Variants in ANGPT1 observed in about 807,000 individuals in gnomAD.
ANGPT1 encodes angiopoietin-1.
In ANGPT1, 17 loss-of-function variants were observed where a neutral mutation model predicts 62.2. That is an observed-to-expected ratio of 0.27 (90% CI 0.19 to 0.41). The LOEUF (loss-of-function observed/expected upper bound fraction) is 0.41. Ranked by LOEUF, ANGPT1 falls within the 10% of genes least tolerant of loss-of-function variation. ANGPT1 has a pLI of 1.00. For missense variants in ANGPT1, 478 were observed against 594.9 expected (o/e 0.80, Z 2.04); for synonymous variants, 199 against 198.9 (o/e 1.00, Z 0.00).
In ANGPT1 at chr8:107,322,125, T is replaced by TAAA; in HGVS notation, c.576_578dup (p.Ser192_Leu193insPhe). 1 of 1,606,682 alleles carries TAAA rather than the reference T, an allele frequency of 6.2e-7. No individual in the cohort carries two copies. The highest frequency in any genetic ancestry group is 1.3e-5 in the African/African-American group (1 of 74,772). On this transcript the variant is annotated inframe_insertion, in exon 4 of 9. Coordinates refer to ENST00000517746, the MANE Select transcript of ANGPT1 (RefSeq NM_001146.5). ...CCATTTCTAAGATTTTATGTTCTAA[T>TAAA]AAACTACAAGGAAGTGAAAATAAAA...
intron 1 of ANGPT1, among the ~76,000 whole-genome samples, chr8:107,392,046 T>C (rs1816846493): frequency 1.3e-5 from 2 of 152,186 alleles, no homozygotes; most frequent in Non-Finnish European, 2.9e-5. Context: ...GTTGTATTTT[T>C]AAAAATAATA....
chr8:107,473,578 A>G (rs945113191), intron 1 of ANGPT1, among the ~76,000 whole-genome samples: 5 of 152,090 alleles, frequency 3.3e-5, no homozygotes, highest in African/African-American at 1.2e-4. Context: ...TAATAATTTT[A>G]TTTTCAAAAT....
intron 1 of ANGPT1, among the ~76,000 whole-genome samples, chr8:107,472,308 C>CA (rs1480512635): frequency 6.6e-6 from 1 of 151,976 alleles, no homozygotes; most frequent in East Asian, 1.9e-4. Flanking sequence ...TTCTGTCTTC[C>CA]ATTACAGTGC....
intron 2 of ANGPT1, among the ~76,000 whole-genome samples, chr8:107,336,688 A>G (rs1379940190): frequency 5.3e-5 from 7 of 132,546 alleles, no homozygotes; most frequent in Non-Finnish European, 1.1e-4. Context: ...AAAAAAAAAA[A>G]GGTTTACATT....
intron 8 of ANGPT1, among the ~76,000 whole-genome samples, chr8:107,253,178 T>C (rs888954587): frequency 5.3e-5 from 8 of 152,198 alleles, no homozygotes; most frequent in African/African-American, 1.9e-4. Context: ...AGGTATGTCT[T>C]GATGAATTTG....
chr8:107,397,782 T>C lies in ANGPT1; in HGVS notation c.298-50685A>G, dbSNP rs182446823. ...TCCTATAATCTTGCACTGGGGTCTGTTGAGGTCATATTATTAGCTCTCAAT... is the reference window on the plus strand; with the variant it reads ...TCCTATAATCTTGCACTGGGGTCTGCTGAGGTCATATTATTAGCTCTCAAT... On this transcript the variant is annotated intron_variant, in intron 1 of 8. Transcript: ENST00000517746. Among the ~76,000 whole-genome samples the C allele has an allele frequency of 2.8e-4, 43 of 152,262 alleles. No individual in the cohort carries two copies. The Middle Eastern group carries it at 0.01, about 36-fold the overall frequency.
chr8:107,417,535 A>ATT (rs141609947), intron 1 of ANGPT1, among the ~76,000 whole-genome samples: 6 of 151,566 alleles, frequency 4.0e-5, no homozygotes, highest in Non-Finnish European at 8.8e-5. Flanking sequence ...CTGCAGAGCC[A>ATT]TTTTTTTTCA....
At chr8:107,423,163 T>A (rs574743365) in intron 1 of ANGPT1, among the ~76,000 whole-genome samples, 15 of 152,274 alleles carry the variant, frequency 9.9e-5, no homozygotes, top group African/African-American at 3.6e-4. Context: ...GGTAGGAGTA[T>A]TTACACCATG....
intron 5 of ANGPT1, among the ~76,000 whole-genome samples, chr8:107,299,286 A>G (rs541457697): frequency 1.3e-5 from 2 of 150,492 alleles, no homozygotes; most frequent in South Asian, 2.1e-4. Context: ...CAAAGTCAAT[A>G]TTCAATATTT....
chr8:107,430,392 G>T (rs1300096895), intron 1 of ANGPT1, among the ~76,000 whole-genome samples: 1 of 152,130 alleles, frequency 6.6e-6, no homozygotes, highest in African/African-American at 2.4e-5. Context: ...TATCACTTTT[G>T]GTTCACATGG....
At chr8:107,395,233 T>G (rs1283668) in intron 1 of ANGPT1, among the ~76,000 whole-genome samples, 21,179 of 152,176 alleles carry the variant, frequency 0.14, 1,754 homozygotes, top group South Asian at 0.2. Context: ...GGGATAGGAC[T>G]GGACTCCATG....
At chr8:107,292,089 T>A (rs966216658) in intron 6 of ANGPT1, among the ~76,000 whole-genome samples, 2 of 152,262 alleles carry the variant, frequency 1.3e-5, no homozygotes, top group Non-Finnish European at 2.9e-5. Context: ...GATTCGTGTT[T>A]CCATTCAGTT....
chr8:107,440,015 G>A (rs1811433135), intron 1 of ANGPT1, among the ~76,000 whole-genome samples: 1 of 152,108 alleles, frequency 6.6e-6, no homozygotes, highest in Admixed American at 6.6e-5. Flanking sequence ...CAGAATAGAT[G>A]GGCTAAGGAG....
chr8:107,426,968 A>G (rs1367070464), intron 1 of ANGPT1, among the ~76,000 whole-genome samples: 1 of 152,182 alleles, frequency 6.6e-6, no homozygotes, highest in African/African-American at 2.4e-5. Flanking sequence ...CCCTCCATAT[A>G]TTTAAATATA....
intron 1 of ANGPT1, among the ~76,000 whole-genome samples, chr8:107,422,752 T>TA (rs1810924187): frequency 6.6e-6 from 1 of 152,180 alleles, no homozygotes; most frequent in African/African-American, 2.4e-5. Context: ...ACTTTTTACT[T>TA]AACCCAAACA....
intron 1 of ANGPT1, among the ~76,000 whole-genome samples, chr8:107,365,861 AC>A (rs2130223287): frequency 1.4e-5 from 2 of 140,228 alleles, no homozygotes; most frequent in South Asian, 4.7e-4. Flanking sequence ...AATACAACAC[AC>A]ACACACACAC....
In ANGPT1 at chr8:107,294,013, C is replaced by A. The variant is rs1814348341; in HGVS notation, c.961G>T (p.Gly321Trp). The A allele has an allele frequency of 6.2e-7, 1 of 1,612,556 alleles. No individual in the cohort carries two copies. Among genetic ancestry groups the A allele is most frequent in the Non-Finnish European group, 8.5e-7 (1 of 1,179,520 alleles). ...KKVFCNMDVN[G>W]GGWTVIQHRE... The stretch of plus-strand genomic sequence containing the variant: ...TGTTGTATTACAGTCCAACCTCCCC[C>A]ATTGACATCCATATTGCAAAACACC... The change falls in exon 6 of 9, where the codon GGG (glycine) becomes TGG (tryptophan). Residue 321 changes from glycine to tryptophan, a missense_variant. Gly to Trp is a radical substitution (Grantham distance 184). Around this residue, in one of 4 missense-constraint regions of ANGPT1, gnomAD observed 81 missense variants for 117.1 expected, o/e 0.69. Transcript: ENST00000517746.
At chr8:107,279,481 T>C (rs1304725027) in intron 7 of ANGPT1, among the ~76,000 whole-genome samples, 1 of 152,106 alleles carries the variant, frequency 6.6e-6, no homozygotes, top group Non-Finnish European at 1.5e-5. Flanking sequence ...ACTTCTTTAT[T>C]TGAGGATGCC....
At chr8:107,482,976 T>C (rs1256997532) in intron 1 of ANGPT1, among the ~76,000 whole-genome samples, 2 of 152,170 alleles carry the variant, frequency 1.3e-5, no homozygotes, top group Non-Finnish European at 2.9e-5. Context: ...ATATTTTGTA[T>C]CTGACCAGAA....
Sources: allele counts gnomAD v4.1 joint callset (sites outside exome capture counted in the v4.1 genomes callset), GRCh38; gene constraint gnomAD v4.1.1; regional missense constraint gnomAD v4.1.1; transcripts MANE v1.5; gene names NCBI Gene and HGNC (gene_info 2026-07-23, HGNC 2026-07-21).